ARHGAP15: variants seen among roughly 807,000 people sequenced by gnomAD.
ARHGAP15 encodes the protein Rho GTPase activating protein 15.
Under a neutral mutation model 63.7 loss-of-function variants are expected in ARHGAP15, and 51 were observed. The ratio of observed to expected loss-of-function variants is 0.80; its 90% CI spans 0.64 to 1.01. ARHGAP15 has a LOEUF of 1.01. Among genes scored for constraint, ARHGAP15 ranks in the 50% least tolerant of loss-of-function variants. The pLI, the probability that ARHGAP15 is intolerant of heterozygous loss-of-function variation, is 0.00. For missense variants in ARHGAP15, 560 were observed against 564.6 expected (o/e 0.99, Z 0.08); for synonymous variants, 191 against 193.8 (o/e 0.99, Z 0.12).
chr2:143,738,747 A>T (rs1460723340), intron 13 of ARHGAP15, among the ~76,000 whole-genome samples: 1 of 152,214 alleles, frequency 6.6e-6, no homozygotes, highest in Non-Finnish European at 1.5e-5. Context: ...CGCAAATCAC[A>T]TGCTTTGCTT....
chr2:143,283,874 C>T (rs1681972086), intron 6 of ARHGAP15, among the ~76,000 whole-genome samples: 1 of 152,068 alleles, frequency 6.6e-6, no homozygotes, highest in Non-Finnish European at 1.5e-5. Context: ...CTAATTCCTC[C>T]TTCAGATAAC....
chr2:143,599,320 T>G (rs577836717), intron 11 of ARHGAP15, among the ~76,000 whole-genome samples: 2 of 152,310 alleles, frequency 1.3e-5, no homozygotes, highest in East Asian at 3.9e-4. Context: ...TTTAATAGTG[T>G]TGTTGCTGTC....
Position 143,598,892 on chromosome 2 carries a change from C to T in ARHGAP15, c.1004-25241C>T, listed in dbSNP as rs548825221. ...TGATCGCACCACTGCACTCCATCCT[C>T]GGAGACAGCAAGACCTTATCTTAAA... On this transcript the variant is annotated intron_variant, in intron 11 of 13. Coordinates refer to ENST00000295095, the MANE Select transcript of ARHGAP15 (RefSeq NM_018460.4). 5.7e-4 allele frequency among the ~76,000 whole-genome samples: 86 copies of T among 151,644 alleles called. 1 individual carries two copies. In the Middle Eastern group the frequency reaches 0.024, roughly 42 times the overall value.
intron 6 of ARHGAP15, among the ~76,000 whole-genome samples, chr2:143,335,327 T>C (rs1328419999): frequency 6.6e-6 from 1 of 152,180 alleles, no homozygotes. Flanking sequence ...TATTTCACAA[T>C]AATGGAAAAT....
chr2:143,216,597 G>A (rs1692766261), intron 4 of ARHGAP15, 152 bp downstream of exon 4: 1 of 576,526 alleles, frequency 1.7e-6, no homozygotes, highest in Middle Eastern at 3.1e-4. Context: ...TATTTTTAAT[G>A]GAACTACAGT....
intron 5 of ARHGAP15, chr2:143,235,988 T>C (rs777153076): frequency 6.5e-7 from 1 of 1,543,778 alleles, no homozygotes; most frequent in East Asian, 2.5e-5. Context: ...ACCATGTTCA[T>C]GGGATTTGGC....
At chr2:143,748,190 AAT>A (rs1478704466) in intron 13 of ARHGAP15, among the ~76,000 whole-genome samples, 1 of 152,214 alleles carries the variant, frequency 6.6e-6, no homozygotes, top group African/African-American at 2.4e-5. Context: ...AGTGAATCAG[AAT>A]ATAATTCCAA....
At chr2:143,221,751 C>T (rs1273012112) in intron 4 of ARHGAP15, among the ~76,000 whole-genome samples, 1 of 152,174 alleles carries the variant, frequency 6.6e-6, no homozygotes, top group Non-Finnish European at 1.5e-5. Flanking sequence ...AATATAGAGT[C>T]ACATTCTTCT....
chr2:143,577,877 A>C (rs1574656087), intron 11 of ARHGAP15, among the ~76,000 whole-genome samples: 1 of 152,178 alleles, frequency 6.6e-6, no homozygotes, highest in Admixed American at 6.6e-5. Flanking sequence ...CACTATGTTC[A>C]GAAATAAGAT....
Position 143,191,478 on chromosome 2 carries a change from A to G in ARHGAP15, c.166-10656A>G, listed in dbSNP as rs771439190. Among the ~76,000 whole-genome samples, 82 of 152,244 alleles carry G rather than the reference A, an allele frequency of 5.4e-4. 1 individual carries two copies. The highest frequency in any genetic ancestry group is 9.1e-4 in the Non-Finnish European group (62 of 68,036). ...TATAAAGGTTGAAAGGCCAATTCCA[A>G]TATAGTGTTATACACTATGCTAAGT... is the stretch of plus-strand genomic sequence containing the variant. On this transcript the variant is annotated intron_variant, in intron 2 of 13. Transcript: ENST00000295095.
chr2:143,528,079 C>T (rs1694359506), intron 10 of ARHGAP15, among the ~76,000 whole-genome samples: 1 of 152,030 alleles, frequency 6.6e-6, no homozygotes, highest in South Asian at 2.1e-4. Flanking sequence ...TTTTTGGATA[C>T]TCCATTTAAG....
chr2:143,272,129 A>C (rs146112466), intron 6 of ARHGAP15, among the ~76,000 whole-genome samples: 148 of 152,296 alleles, frequency 9.7e-4, no homozygotes, highest in African/African-American at 3.3e-3. Context: ...TGGTGGTGGC[A>C]GGTGAAGAAG....
chr2:143,183,491 A>C (rs2105073908), intron 2 of ARHGAP15, among the ~76,000 whole-genome samples: 1 of 152,332 alleles, frequency 6.6e-6, no homozygotes, highest in South Asian at 2.1e-4. Flanking sequence ...ATCAGAGGCT[A>C]CAATTTTTTT....
chr2:143,337,194 A>G (rs1042307187), intron 6 of ARHGAP15, among the ~76,000 whole-genome samples: 1 of 152,146 alleles, frequency 6.6e-6, no homozygotes, highest in Non-Finnish European at 1.5e-5. Flanking sequence ...AGTGCTGTGA[A>G]GATGGTCCAT....
intron 10 of ARHGAP15, among the ~76,000 whole-genome samples, chr2:143,540,984 T>G (rs1452416903): frequency 6.6e-6 from 1 of 152,218 alleles, no homozygotes; most frequent in Non-Finnish European, 1.5e-5. Context: ...TCCAACTTGG[T>G]TCCATTTTCC....
intron 6 of ARHGAP15, among the ~76,000 whole-genome samples, chr2:143,357,079 A>G (rs1685842808): frequency 6.6e-6 from 1 of 152,204 alleles, no homozygotes. Context: ...ACACCTGAAT[A>G]TGGATTACTT....
At chr2:143,142,814 A>C (rs1689426014) in intron 1 of ARHGAP15, among the ~76,000 whole-genome samples, 1 of 152,124 alleles carries the variant, frequency 6.6e-6, no homozygotes, top group Non-Finnish European at 1.5e-5. Context: ...AACCCATTTC[A>C]TCACGTTTTC....
At chr2:143,357,215 C>G (rs111286130) in intron 6 of ARHGAP15, among the ~76,000 whole-genome samples, 3 of 152,132 alleles carry the variant, frequency 2.0e-5, no homozygotes, top group African/African-American at 7.2e-5. Flanking sequence ...TGCAGTCAGG[C>G]AGACAACAGT....
At chr2:143,490,377 C>T (rs1379137556) in intron 9 of ARHGAP15, among the ~76,000 whole-genome samples, 1 of 152,126 alleles carries the variant, frequency 6.6e-6, no homozygotes, top group African/African-American at 2.4e-5. Flanking sequence ...TGAATTCAAC[C>T]AGCCTTTATT....
Sources: gnomAD v4.1 joint callset for allele counts (sites outside exome capture counted in the v4.1 genomes callset) on GRCh38, gnomAD v4.1.1 for gene constraint, MANE v1.5 for transcripts, NCBI Gene and HGNC (gene_info 2026-07-23, HGNC 2026-07-21) for gene names.